Variants in SLC9A6 observed in about 807,000 individuals in gnomAD.
SLC9A6 encodes the protein sodium/hydrogen exchanger 6.
In SLC9A6, 6 loss-of-function variants were observed where a neutral mutation model predicts 45.3. That is an observed-to-expected ratio of 0.13 (90% confidence interval 0.07 to 0.26). SLC9A6 has a LOEUF of 0.26. Among genes scored for constraint, SLC9A6 ranks in the 10% least tolerant of loss-of-function variants. The probability of loss-of-function intolerance (pLI) is 1.00; values close to 1 mark genes in which losing one functional copy is unlikely to be tolerated. For synonymous variants in SLC9A6, 191 were observed against 187.7 expected, an observed-to-expected ratio of 1.02 and a Z score of -0.14; for missense variants, 278 against 503.7, an observed-to-expected ratio of 0.55 and a Z score of 4.29.
intron 1 of SLC9A6, among the ~76,000 whole-genome samples, chrX:135,976,663 A>G (rs1454664386): frequency 2.7e-5 from 3 of 111,910 alleles, no homozygotes; most frequent in Non-Finnish European, 5.6e-5. Context: ...GAAGCAGAAA[A>G]TGATTAGGAG....
intron 6 of SLC9A6, among the ~76,000 whole-genome samples, chrX:136,001,802 T>C (rs1229930671): frequency 8.9e-6 from 1 of 112,374 alleles, no homozygotes; most frequent in East Asian, 2.8e-4. Context: ...GAATATATTC[T>C]TTGTGGGAAA....
intron 8 of SLC9A6, among the ~76,000 whole-genome samples, chrX:136,012,577 TG>T (rs1187883467): frequency 4.4e-5 from 5 of 112,943 alleles, no homozygotes; most frequent in Non-Finnish European, 9.4e-5. Flanking sequence ...TTTTTATAAA[TG>T]TAAATTGCTA....
rs1556619315 is a variant in SLC9A6, at chrX:136,016,728, C to T, written c.1164C>T (p.Val388=). Residue 388 remains valine (V), a synonymous_variant, in exon 11 of 18, where the codon GTC becomes GTT. Coordinates refer to ENST00000630721, the MANE Select transcript of SLC9A6 (RefSeq NM_001379110.1). The part of the protein sequence containing the change: ...GLTLFTFQNH[V]FNPTFVVGAF... The stretch of plus-strand genomic sequence containing the variant: ...CACTGTTCACCTTCCAGAACCATGT[C>T]TTTAACCCAACATTTGTAGTAGGAG... 3.4e-6 allele frequency: 4 copies of T among 1,164,686 alleles called. No homozygotes were observed. The Admixed American group carries it at 8.8e-5, about 26-fold the overall frequency.
intron 15 of SLC9A6, among the ~76,000 whole-genome samples, chrX:136,031,675 A>C (rs915878161): frequency 9.0e-6 from 1 of 111,707 alleles, no homozygotes; most frequent in Non-Finnish European, 1.9e-5. Context: ...CAAAAACAAA[A>C]TAAAAAAAAA....
Position 136,024,775 on chromosome X carries a change from A to G in SLC9A6, c.1460+292A>G, listed in dbSNP as rs148733441. 1.8e-3 allele frequency among the ~76,000 whole-genome samples: 199 copies of G among 111,942 alleles called. 3 individuals are homozygous for G. In the East Asian group the frequency reaches 0.036, roughly 20 times the overall value. Reference sequence around the variant, plus strand: ...GCCTGATTTTTAAATGTAATATAGCATGGACATTTACATTGTAAATATATT... The same window carrying G: ...GCCTGATTTTTAAATGTAATATAGCGTGGACATTTACATTGTAAATATATT... On this transcript the variant is annotated intron_variant, in intron 13 of 17. Coordinates refer to ENST00000630721, the MANE Select transcript of SLC9A6 (RefSeq NM_001379110.1).
intron 12 of SLC9A6, 38 bp downstream of exon 12, chrX:136,022,735 A>C: frequency 1.2e-6 from 1 of 863,654 alleles, no homozygotes; most frequent in Non-Finnish European, 1.7e-6. Context: ...ACTTCAAGCA[A>C]CCATTCACAA....
intron 8 of SLC9A6, 144 bp from the exon 9 acceptor site, chrX:136,012,805 C>A: frequency 1.9e-6 from 1 of 519,425 alleles, no homozygotes; most frequent in South Asian, 2.7e-5. Context: ...AAAAGTCTCC[C>A]TATTCTGGTG....
intron 11 of SLC9A6, among the ~76,000 whole-genome samples, chrX:136,018,416 G>A (rs1289429118): frequency 1.8e-5 from 2 of 112,309 alleles, no homozygotes; most frequent in East Asian, 5.5e-4. Flanking sequence ...GGAAAAAAGA[G>A]ATAGTTGGCT....
intron 12 of SLC9A6, among the ~76,000 whole-genome samples, chrX:136,023,574 T>C (rs2071175636): frequency 9.1e-6 from 1 of 110,384 alleles, no homozygotes; most frequent in African/African-American, 3.3e-5. Context: ...ATTCCCTTTA[T>C]ATGACATTCA....
At chrX:136,037,437 C>T (rs967335870) in intron 16 of SLC9A6, among the ~76,000 whole-genome samples, 5 of 112,728 alleles carry the variant, frequency 4.4e-5, no homozygotes, top group Non-Finnish European at 9.4e-5. Flanking sequence ...TTTCAGTACA[C>T]AGCTCTTGTA....
At chrX:136,022,563 C>A in intron 11 of SLC9A6, 23 bp from the exon 12 acceptor site, 2 of 968,945 alleles carry the variant, frequency 2.1e-6, no homozygotes, top group South Asian at 1.9e-5. Flanking sequence ...ATGAAATGAT[C>A]CTTAACCTAT....
In SLC9A6 at chrX:135,985,808, C is replaced by G. The variant is rs782714315; in HGVS notation, c.150C>G (p.Thr50=). 4.1e-6 allele frequency: 5 copies of G among 1,211,538 alleles called. No individual in the cohort carries two copies. The highest frequency in any genetic ancestry group is 5.6e-6 in the Non-Finnish European group (5 of 895,473). The part of the protein sequence containing the change: ...KHRRARFLHE[T]GLAMIYGLLV... ...GCCGGGCCCGCTTCCTGCACGAAAC[C>G]GGCCTGGCTATGATTTATGGCAAGT... Residue 50 remains threonine, a synonymous_variant, in exon 2 of 18, where the codon ACC becomes ACG. Coordinates refer to ENST00000630721, the MANE Select transcript of SLC9A6 (RefSeq NM_001379110.1).
chrX:136,023,135 G>C (rs2071158947), intron 12 of SLC9A6, among the ~76,000 whole-genome samples: 1 of 77,853 alleles, frequency 1.3e-5, no homozygotes, highest in African/African-American at 5.2e-5. Context: ...AAACATTGAA[G>C]TTGCATCCTT....
chrX:136,040,793 G>T lies in SLC9A6; in HGVS notation c.1767+612G>T, dbSNP rs2071493781. ...TCCTAGCTGACCTTTGTTTTTAAAT[G>T]TGCACGTTTTTATTTTTCAAGTTCT... On this transcript the variant is annotated intron_variant, in intron 17 of 17. Coordinates refer to ENST00000630721, the MANE Select transcript of SLC9A6 (RefSeq NM_001379110.1). Among the ~76,000 whole-genome samples, 3 of 112,491 alleles carry T rather than the reference G, an allele frequency of 2.7e-5. No homozygotes were observed. In the South Asian group the frequency reaches 1.1e-3, roughly 40 times the overall value.
chrX:135,994,675 T>A, intron 2 of SLC9A6, 111 bp from the exon 3 acceptor site: 1 of 698,442 alleles, frequency 1.4e-6, no homozygotes, highest in East Asian at 3.2e-5. Flanking sequence ...AAATCAGTTC[T>A]GAGCTACAGG....
In SLC9A6 at chrX:136,033,510, G is replaced by GA. The variant is rs376371956; in HGVS notation, c.1661+28dup. 0.019 allele frequency: 14,625 copies of GA among 763,788 alleles called. No homozygotes were observed. The highest frequency in any genetic ancestry group is 0.022 in the Non-Finnish European group (11,970 of 549,586). The allele number at this position is 763,788 out of a possible 1,213,427, so 62.9% of individuals were successfully genotyped here. A position where few individuals can be genotyped will look rare whatever the true frequency, so the allele number is the denominator to read the frequency against. ...TGATCATAAGTATCCTTAATTGAGGGAAAAAAAAAAAGGATAATGTGGACA... is the reference window on the plus strand; with the variant it reads ...TGATCATAAGTATCCTTAATTGAGGGAAAAAAAAAAAAGGATAATGTGGACA... On this transcript the variant is annotated intron_variant, in intron 16 of 17. Coordinates refer to ENST00000630721, the MANE Select transcript of SLC9A6 (RefSeq NM_001379110.1).
chrX:136,031,383 GT>G (rs1246371633), intron 15 of SLC9A6, among the ~76,000 whole-genome samples: 3 of 111,792 alleles, frequency 2.7e-5, no homozygotes, highest in Admixed American at 1.9e-4. Context: ...ACAAAGGACC[GT>G]TTTTTTTCCC....
intron 2 of SLC9A6, among the ~76,000 whole-genome samples, chrX:135,993,811 T>C (rs782467221): frequency 9.0e-6 from 1 of 111,086 alleles, no homozygotes; most frequent in East Asian, 2.8e-4. Flanking sequence ...AAAATTTAGT[T>C]TTACAGTACC....
chrX:135,994,416 A>G (rs73226738), intron 2 of SLC9A6, among the ~76,000 whole-genome samples: 5,360 of 111,187 alleles, frequency 0.048, 127 homozygotes, highest in Non-Finnish European at 0.075. Flanking sequence ...CAGAAAACAC[A>G]TTTCTAACAC....
Sources: allele counts gnomAD v4.1 joint callset (sites outside exome capture counted in the v4.1 genomes callset), GRCh38; gene constraint gnomAD v4.1.1; transcripts MANE v1.5; gene names NCBI Gene and HGNC (gene_info 2026-07-23, HGNC 2026-07-21).